TASOR2: variants seen among roughly 807,000 people sequenced by gnomAD.
TASOR2 encodes transcription activation suppressor family member 2, also known as protein TASOR 2.
Under a neutral mutation model 199.5 loss-of-function variants are expected in TASOR2, and 84 were observed. That is an observed-to-expected ratio of 0.42 (90% CI 0.35 to 0.50). TASOR2 has a LOEUF of 0.50. Among genes scored for constraint, TASOR2 ranks in the 20% least tolerant of loss-of-function variants. The pLI, the probability that TASOR2 is intolerant of heterozygous loss-of-function variation, is 0.02. For synonymous variants in TASOR2, 1,103 were observed against 1,046.6 expected, an observed-to-expected ratio of 1.05 and a Z score of -1.04; for missense variants, 2,796 against 2,835.9, an observed-to-expected ratio of 0.99 and a Z score of 0.32.
At chr10:5,704,440 T>C (rs1292487288) in intron 1 of TASOR2, among the ~76,000 whole-genome samples, 1 of 152,132 alleles carries the variant, frequency 6.6e-6, no homozygotes, top group South Asian at 2.1e-4. Flanking sequence ...ATTGTTTCTA[T>C]TACCCTTATA....
intron 18 of TASOR2, among the ~76,000 whole-genome samples, chr10:5,760,642 GTAAC>G (rs1264369592): frequency 6.6e-6 from 1 of 152,188 alleles, no homozygotes; most frequent in Non-Finnish European, 1.5e-5. Flanking sequence ...TTGGTATCAT[GTAAC>G]TATGTTCAGT....
intron 1 of TASOR2, among the ~76,000 whole-genome samples, chr10:5,700,800 G>GTC (rs1388095798): frequency 1.3e-5 from 2 of 151,718 alleles, no homozygotes; most frequent in Non-Finnish European, 2.9e-5. Context: ...GTGTCTGTGT[G>GTC]TGTGTGTGTG....
At position 5,749,326 on chromosome 10, in the gene TASOR2, G is replaced by A. The variant is rs368930786; in HGVS notation, c.5905G>A (p.Asp1969Asn). 159 of 1,614,078 alleles carry A rather than the reference G, an allele frequency of 9.9e-5. No individual in the cohort carries two copies. The highest frequency in any genetic ancestry group is 1.3e-4 in the Non-Finnish European group (148 of 1,180,054). Residue 1969 changes from aspartate to asparagine, a missense_variant, in exon 15 of 21, where the codon GAC becomes AAC. Around this residue, in one of 3 missense-constraint regions of TASOR2, gnomAD observed 1,941 missense variants for 1,924.9 expected, o/e 1.01. Coordinates refer to ENST00000328090, the Ensembl canonical transcript of TASOR2. ...GACAAGCACTTGGCAGGTGGCAGACGACCTCACCCAGAACACTTTAGACCT... is the reference window on the plus strand; with the variant it reads ...GACAAGCACTTGGCAGGTGGCAGACAACCTCACCCAGAACACTTTAGACCT...
At chr10:5,749,875 C>G in exon 15 of TASOR2, 1 of 1,614,162 alleles carries the variant, frequency 6.2e-7, no homozygotes. Flanking sequence ...TCTGCCTTTC[C>G]CAGGACGGTC....
Position 5,739,487 on chromosome 10 carries a change from A to G in TASOR2, c.1448-131A>G, listed in dbSNP as rs539339050. On this transcript the variant is annotated intron_variant, in intron 12 of 20. Transcript: ENST00000328090. ...TTGGAAGAGACCTTAATCTAATAGA[A>G]AATTTTAATATGCAATATATGTTAC... 68 of 833,264 alleles carry G rather than the reference A, an allele frequency of 8.2e-5. No individual in the cohort carries two copies. The Admixed American group carries it at 2.0e-3, about 24-fold the overall frequency. 51.6% of individuals were successfully genotyped at this position (833,264 alleles called of 1,614,324 possible).
At chr10:5,745,324 G>A (rs1451454760) in intron 14 of TASOR2, among the ~76,000 whole-genome samples, 2 of 152,178 alleles carry the variant, frequency 1.3e-5, no homozygotes, top group Admixed American at 6.5e-5. Context: ...ATGCAAAGAA[G>A]ATAGCTAAGG....
In TASOR2 at chr10:5,706,631, C is replaced by G. The variant is rs1248108344; in HGVS notation, c.-287-6192C>G. Among the ~76,000 whole-genome samples the G allele has an allele frequency of 6.6e-6, 1 of 152,132 alleles. No homozygotes were observed. The highest frequency in any genetic ancestry group is 1.5e-5 in the Non-Finnish European group (1 of 68,038). ...ACTGAAAATTAAGCTATTTTAAATT[C>G]AGAAAAGCAAAACACGGTATAAGGA... is the stretch of plus-strand genomic sequence containing the variant. On this transcript the variant is annotated intron_variant, in intron 1 of 20. Coordinates refer to ENST00000328090, the Ensembl canonical transcript of TASOR2. The surrounding 1 kb of genome is among the most constrained non-coding windows in gnomAD (Gnocchi z 4.8).
chr10:5,697,716 G>A (rs909012403), intron 1 of TASOR2, among the ~76,000 whole-genome samples: 5 of 152,014 alleles, frequency 3.3e-5, no homozygotes, highest in African/African-American at 1.2e-4. Flanking sequence ...CTCTGATTTA[G>A]GAACAGAGGG....
intron 1 of TASOR2, among the ~76,000 whole-genome samples, chr10:5,694,877 T>A (rs1252308256): frequency 6.6e-6 from 1 of 152,236 alleles, no homozygotes; most frequent in African/African-American, 2.4e-5. Context: ...GTTAAATTTA[T>A]GGATTTACTA....
intron 1 of TASOR2, among the ~76,000 whole-genome samples, chr10:5,704,139 A>G (rs921565061): frequency 1.3e-5 from 2 of 151,196 alleles, no homozygotes; most frequent in South Asian, 2.1e-4. Context: ...CAGGAGAATC[A>G]CTTGAACCTG....
At chr10:5,700,418 T>C (rs1230056189) in intron 1 of TASOR2, among the ~76,000 whole-genome samples, 2 of 152,122 alleles carry the variant, frequency 1.3e-5, no homozygotes, top group Non-Finnish European at 2.9e-5. Context: ...CTTTTTGATA[T>C]GTTGATTTTC....
intron 12 of TASOR2, 61 bp downstream of exon 13, chr10:5,735,607 G>T: frequency 3.9e-6 from 6 of 1,555,278 alleles, no homozygotes; most frequent in Non-Finnish European, 5.2e-6. Flanking sequence ...GAGAGTGCAA[G>T]ATAATTTATT....
At chr10:5,713,450 G>C (rs1295567458) in intron 2 of TASOR2, among the ~76,000 whole-genome samples, 1 of 152,062 alleles carries the variant, frequency 6.6e-6, no homozygotes, top group South Asian at 2.1e-4. Context: ...GATATGTATG[G>C]CTTCCGAGAT....
rs989046633 is a variant in TASOR2, at chr10:5,701,064, A to G, written c.-287-11759A>G. 6.6e-6 allele frequency among the ~76,000 whole-genome samples: 1 copy of G among 151,992 alleles called. No individual in the cohort carries two copies. Among genetic ancestry groups the G allele is most frequent in the Admixed American group, 6.6e-5 (1 of 15,246 alleles). On this transcript the variant is annotated intron_variant, in intron 1 of 20. Transcript: ENST00000328090. This position sits in a 1 kb window ranked among gnomAD's most constrained non-coding sequence, Gnocchi z 4.9. ...TAAACAAAAAAAGTTTGGCCAGACT[A>G]GTATCCTGGAGTGTTTTCCCAGTGT...
At chr10:5,702,842 G>A (rs1353330577) in intron 1 of TASOR2, among the ~76,000 whole-genome samples, 24 of 151,956 alleles carry the variant, frequency 1.6e-4, no homozygotes, top group Non-Finnish European at 2.5e-4. Flanking sequence ...GAAAACTGGC[G>A]CAACATTGAG....
rs1481941541 is a variant in TASOR2, at chr10:5,752,236, A to G, written c.6606+2209A>G. Among the ~76,000 whole-genome samples, 2 of 152,186 alleles carry G rather than the reference A, an allele frequency of 1.3e-5. No homozygotes were observed. The highest frequency in any genetic ancestry group is 2.9e-5 in the Non-Finnish European group (2 of 68,038). On this transcript the variant is annotated intron_variant, in intron 15 of 20. Transcript: ENST00000328090. This position sits in a 1 kb window ranked among gnomAD's most constrained non-coding sequence, Gnocchi z 4.4. ...CTTATAGTCTAATGGGACAAGGAAA[A>G]CACTGATTAAAAGAGTCACACAAAT... is the stretch of plus-strand genomic sequence containing the variant.
intron 1 of TASOR2, among the ~76,000 whole-genome samples, chr10:5,705,112 C>T (rs777618882): frequency 1.3e-5 from 2 of 152,098 alleles, no homozygotes; most frequent in Non-Finnish European, 2.9e-5. Context: ...AGTGTGTGTC[C>T]ATCACCCCAG....
chr10:5,753,556 G>A (rs1838384379), intron 15 of TASOR2, among the ~76,000 whole-genome samples: 1 of 152,120 alleles, frequency 6.6e-6, no homozygotes, highest in Admixed American at 6.6e-5. Context: ...AGTAGAGATG[G>A]AGTTTCACCG....
At chr10:5,693,316 C>T (rs1365980141) in intron 1 of TASOR2, among the ~76,000 whole-genome samples, 1 of 152,110 alleles carries the variant, frequency 6.6e-6, no homozygotes. Flanking sequence ...AAATGTAGAA[C>T]AGGGATTGCA....
Sources: gnomAD v4.1 joint callset for allele counts (sites outside exome capture counted in the v4.1 genomes callset) on GRCh38, gnomAD v4.1.1 for gene constraint, gnomAD v4.1.1 regional missense constraint, Gnocchi (gnomAD v3.1) non-coding constraint, MANE v1.5 for transcripts, NCBI Gene and HGNC (gene_info 2026-07-23, HGNC 2026-07-21) for gene names.